EXT1: variants seen among roughly 807,000 people sequenced by gnomAD.
The protein encoded by EXT1 is exostosin-1.
A neutral mutation model predicts 82.5 loss-of-function variants in EXT1; 20 were observed. The observed-to-expected ratio is 0.24, with a 90% CI of 0.17 to 0.35. EXT1 has a LOEUF of 0.35. EXT1 is among the 10% of genes least tolerant of loss of function. The probability of loss-of-function intolerance (pLI) is 1.00; values close to 1 mark genes in which losing one functional copy is unlikely to be tolerated. For missense variants in EXT1, 757 were observed against 936.5 expected (o/e 0.81, Z 2.50); for synonymous variants, 348 against 350.8 (o/e 0.99, Z 0.09).
chr8:117,956,063 G>T (rs1450121540), intron 1 of EXT1, among the ~76,000 whole-genome samples: 2 of 152,076 alleles, frequency 1.3e-5, no homozygotes, highest in South Asian at 2.1e-4. Flanking sequence ...TAGAGTATTT[G>T]CTGTTTACAG....
intron 1 of EXT1, among the ~76,000 whole-genome samples, chr8:118,021,224 T>C (rs1404328373): frequency 6.6e-6 from 1 of 152,200 alleles, no homozygotes; most frequent in African/African-American, 2.4e-5. Context: ...TGAATACGCT[T>C]TTCATATGGC....
intron 1 of EXT1, among the ~76,000 whole-genome samples, chr8:117,861,835 G>A (rs1812692861): frequency 7.0e-6 from 1 of 142,756 alleles, no homozygotes; most frequent in Non-Finnish European, 1.6e-5. Context: ...CTCAAGAGAA[G>A]ACCAAAAAAT....
intron 1 of EXT1, among the ~76,000 whole-genome samples, chr8:117,873,657 T>C (rs1812916122): frequency 6.6e-6 from 1 of 152,112 alleles, no homozygotes; most frequent in Non-Finnish European, 1.5e-5. Flanking sequence ...GGTTTTGCCA[T>C]GTTGGCCAGT....
At chr8:118,006,432 G>A (rs11562702) in intron 1 of EXT1, among the ~76,000 whole-genome samples, 7,380 of 152,194 alleles carry the variant, frequency 0.048, 223 homozygotes, top group South Asian at 0.11. Context: ...TATGAGCTCT[G>A]CCCTTTTAGA....
At chr8:118,102,826 A>C (rs17454287) in intron 1 of EXT1, among the ~76,000 whole-genome samples, 2 of 151,562 alleles carry the variant, frequency 1.3e-5, no homozygotes, top group Admixed American at 1.3e-4. Context: ...GAGGCTATGC[A>C]TACTTTTTTT....
chr8:118,051,759 C>T (rs564377368), intron 1 of EXT1, among the ~76,000 whole-genome samples: 10 of 126,754 alleles, frequency 7.9e-5, no homozygotes, highest in East Asian at 4.1e-4. Context: ...ATAAACACTA[C>T]GCTAACAATA....
At chr8:118,007,819 C>T (rs1815810728) in intron 1 of EXT1, among the ~76,000 whole-genome samples, 1 of 152,196 alleles carries the variant, frequency 6.6e-6, no homozygotes, top group African/African-American at 2.4e-5. Context: ...GTGTAATATG[C>T]TTCAGTTGTG....
intron 1 of EXT1, among the ~76,000 whole-genome samples, chr8:117,996,527 C>T (rs1341411547): frequency 1.3e-5 from 2 of 152,164 alleles, no homozygotes; most frequent in African/African-American, 4.8e-5. Context: ...AGCTCTTCAG[C>T]AGAGACCCTA....
At chr8:117,924,372 C>T (rs1003897438) in intron 1 of EXT1, among the ~76,000 whole-genome samples, 2 of 152,184 alleles carry the variant, frequency 1.3e-5, no homozygotes, top group African/African-American at 4.8e-5. Context: ...TTATTTTTGG[C>T]TGCTATAAAA....
chr8:118,105,514 C>G (rs1817791029), intron 1 of EXT1, among the ~76,000 whole-genome samples: 1 of 152,034 alleles, frequency 6.6e-6, no homozygotes, highest in Non-Finnish European at 1.5e-5. Context: ...CTCAGGGATT[C>G]CTTGTGATTG....
intron 1 of EXT1, among the ~76,000 whole-genome samples, chr8:117,885,437 G>A (rs1354296268): frequency 7.4e-5 from 11 of 149,120 alleles, no homozygotes; most frequent in Admixed American, 7.4e-4. Context: ...ACTGGCAGGG[G>A]AGGAGAAGGA....
At chr8:117,875,142 C>A (rs7826442) in intron 1 of EXT1, among the ~76,000 whole-genome samples, 7,161 of 151,964 alleles carry the variant, frequency 0.047, 394 homozygotes, top group African/African-American at 0.14. Context: ...TGGGGCCAGG[C>A]GCCGTGGCTC....
intron 3 of EXT1, chr8:117,831,654 C>G (rs1416045646): frequency 2.1e-6 from 1 of 471,158 alleles, no homozygotes; most frequent in Admixed American, 2.3e-5. Flanking sequence ...ATATGGGAGT[C>G]TGAGCAAGAA....
chr8:118,101,721 C>CT (rs1799384683), intron 1 of EXT1, among the ~76,000 whole-genome samples: 1 of 152,190 alleles, frequency 6.6e-6, no homozygotes, highest in African/African-American at 2.4e-5. Flanking sequence ...CAAAGGCCCC[C>CT]TGGCAGGACC....
At chr8:117,959,402 C>T (rs1814653084) in intron 1 of EXT1, among the ~76,000 whole-genome samples, 1 of 152,202 alleles carries the variant, frequency 6.6e-6, no homozygotes, top group South Asian at 2.1e-4. Flanking sequence ...TTCTTCTGTG[C>T]CCTTGCTAGC....
chr8:117,895,272 G>A (rs542138946), intron 1 of EXT1, among the ~76,000 whole-genome samples: 5 of 152,254 alleles, frequency 3.3e-5, no homozygotes, highest in Admixed American at 3.3e-4. Context: ...GTTGTCTACG[G>A]ACATAAACCA....
At chr8:117,864,306 C>G (rs1812735354) in intron 1 of EXT1, among the ~76,000 whole-genome samples, 1 of 152,214 alleles carries the variant, frequency 6.6e-6, no homozygotes, top group Admixed American at 6.5e-5. Context: ...TTTACACACA[C>G]AGCACTGTCA....
chr8:118,040,317 C>T (rs1303207110), intron 1 of EXT1, among the ~76,000 whole-genome samples: 3 of 152,134 alleles, frequency 2.0e-5, no homozygotes, highest in Non-Finnish European at 4.4e-5. Flanking sequence ...TGTAAAAAAC[C>T]AGGTAGCTAT....
At chr8:118,027,496 T>C (rs193223627) in intron 1 of EXT1, among the ~76,000 whole-genome samples, 335 of 152,332 alleles carry the variant, frequency 2.2e-3, no homozygotes, top group South Asian at 9.9e-3. Context: ...CTCAAGTCTT[T>C]GGACTATCTT....
Sources: gnomAD v4.1 joint callset for allele counts (sites outside exome capture counted in the v4.1 genomes callset) on GRCh38, gnomAD v4.1.1 for gene constraint, MANE v1.5 for transcripts, NCBI Gene and HGNC (gene_info 2026-07-23, HGNC 2026-07-21) for gene names.